Variants in SYN3 observed in about 807,000 individuals in gnomAD.
SYN3 encodes synapsin-3.
Under a neutral mutation model 65.8 loss-of-function variants are expected in SYN3, and 35 were observed. That is an observed-to-expected ratio of 0.53 (90% CI 0.41 to 0.70). The LOEUF is 0.70. SYN3 is among the 30% of genes least tolerant of loss of function. The pLI is 0.00. For synonymous variants in SYN3, 270 were observed against 292.9 expected (o/e 0.92, Z 0.80); for missense variants, 680 against 749.0 (o/e 0.91, Z 1.08).
At chr22:33,046,849 A>G (rs2054074282) in intron 1 of SYN3, among the ~76,000 whole-genome samples, 1 of 150,442 alleles carries the variant, frequency 6.6e-6, no homozygotes, top group Admixed American at 6.6e-5. Flanking sequence ...TTTAAAAAAA[A>G]AAAAAAAAAA....
At chr22:32,850,831 G>A (rs2048197797) in intron 6 of SYN3, among the ~76,000 whole-genome samples, 1 of 152,192 alleles carries the variant, frequency 6.6e-6, no homozygotes, top group African/African-American at 2.4e-5. Flanking sequence ...GAGGAGACAA[G>A]CCGCAATGTC....
chr22:32,631,845 G>C (rs1305048434), intron 6 of SYN3, among the ~76,000 whole-genome samples: 1 of 152,190 alleles, frequency 6.6e-6, no homozygotes, highest in Non-Finnish European at 1.5e-5. Flanking sequence ...TTTGAACCCA[G>C]CATGATCAGA....
rs3213515 is a variant in SYN3 at position 32,508,940 on chromosome 22, T to C, written c.*4752A>G. On this transcript the variant is annotated 3_prime_UTR_variant, in exon 14 of 14. Transcript: ENST00000358763. The stretch of plus-strand genomic sequence containing the variant: ...GCTGCTGTGTTTGTTACCATGTGAG[T>C]GAAGACCTATCATCCCCTTAAATTT... 0.36 allele frequency among the ~76,000 whole-genome samples: 55,119 copies of C among 152,028 alleles called. 10,324 individuals are homozygous for C. Among genetic ancestry groups the C allele is most frequent in the Non-Finnish European group, 0.43 (29,339 of 67,944 alleles).
intron 3 of SYN3, among the ~76,000 whole-genome samples, chr22:32,949,313 G>T (rs1022137948): frequency 6.6e-6 from 1 of 152,036 alleles, no homozygotes; most frequent in African/African-American, 2.4e-5. Context: ...GGGGGGCGGG[G>T]GTGCTCAGGC....
At chr22:32,543,585 A>G (rs1299387170) in intron 7 of SYN3, among the ~76,000 whole-genome samples, 1 of 152,130 alleles carries the variant, frequency 6.6e-6, no homozygotes. Flanking sequence ...TCTTCCTCCC[A>G]GCTGCAGTGG....
At chr22:32,971,797 G>C (rs2052029320) in intron 3 of SYN3, among the ~76,000 whole-genome samples, 1 of 152,198 alleles carries the variant, frequency 6.6e-6, no homozygotes, top group South Asian at 2.1e-4. Context: ...ATTAGCCTGG[G>C]GGGAGGTTTA....
At chr22:32,523,998 C>T (rs765646037) in intron 12 of SYN3, among the ~76,000 whole-genome samples, 24 of 152,214 alleles carry the variant, frequency 1.6e-4, no homozygotes, top group Non-Finnish European at 3.1e-4. Context: ...AAGCCTAATC[C>T]AGAGCAAGGC....
chr22:33,003,390 T>C (rs973716347), intron 2 of SYN3, among the ~76,000 whole-genome samples: 1 of 152,192 alleles, frequency 6.6e-6, no homozygotes, highest in African/African-American at 2.4e-5. Flanking sequence ...GTGGGAAAGT[T>C]TGAAACTTCC....
At chr22:32,752,799 A>G (rs889753519) in intron 6 of SYN3, among the ~76,000 whole-genome samples, 1 of 152,188 alleles carries the variant, frequency 6.6e-6, no homozygotes, top group Admixed American at 6.5e-5. Flanking sequence ...ATGGTGGGGC[A>G]AGGCTGAAGT....
intron 6 of SYN3, among the ~76,000 whole-genome samples, chr22:32,774,977 A>G (rs544130124): frequency 1.3e-5 from 2 of 152,314 alleles, no homozygotes; most frequent in Admixed American, 6.5e-5. Context: ...ACAAATGCCA[A>G]TCCTGAAGAA....
At chr22:32,979,183 A>C (rs985705165) in intron 3 of SYN3, among the ~76,000 whole-genome samples, 1 of 141,356 alleles carries the variant, frequency 7.1e-6, no homozygotes, top group Non-Finnish European at 1.6e-5. Flanking sequence ...GTGAGACTCC[A>C]TCTCAAAAAA....
chr22:33,000,190 A>C (rs2053016870), intron 2 of SYN3, among the ~76,000 whole-genome samples: 1 of 151,914 alleles, frequency 6.6e-6, no homozygotes, highest in Admixed American at 6.6e-5. Context: ...ACACAGTGAA[A>C]CCCCACCTCA....
At chr22:33,017,029 T>C (rs183664346) in intron 1 of SYN3, among the ~76,000 whole-genome samples, 19 of 152,370 alleles carry the variant, frequency 1.2e-4, no homozygotes, top group African/African-American at 3.8e-4. Flanking sequence ...TTTAGTAGTT[T>C]TATAGTTTCA....
intron 6 of SYN3, among the ~76,000 whole-genome samples, chr22:32,864,239 C>A (rs960385715): frequency 6.6e-6 from 1 of 152,316 alleles, no homozygotes; most frequent in African/African-American, 2.4e-5. Context: ...GACCAGTTTA[C>A]GAAGACCATC....
At chr22:32,936,640 G>A (rs1251070493) in intron 3 of SYN3, among the ~76,000 whole-genome samples, 3 of 152,180 alleles carry the variant, frequency 2.0e-5, no homozygotes, top group African/African-American at 7.2e-5. Flanking sequence ...AATCCACAGA[G>A]CTGGGAAGAA....
chr22:33,012,425 A>G (rs941316287), intron 1 of SYN3, among the ~76,000 whole-genome samples: 2 of 152,238 alleles, frequency 1.3e-5, no homozygotes, highest in African/African-American at 4.8e-5. Context: ...GGTTCAATAC[A>G]GTCTACCTTG....
In SYN3 at chr22:32,699,809, G is replaced by C. The variant is rs139483166; in HGVS notation, c.712-103073C>G. ...GGAAACAGGGTGTCTGTCTTAATGG[G>C]AATATCAGAGTCTACCTCTCATCTC... On this transcript the variant is annotated intron_variant, in intron 6 of 13. Transcript: ENST00000358763. 5.9e-5 allele frequency among the ~76,000 whole-genome samples: 9 copies of C among 152,202 alleles called. No homozygotes were observed. In the East Asian group the frequency reaches 1.7e-3, roughly 29 times the overall value.
At chr22:32,555,301 T>C (rs1311815602) in intron 7 of SYN3, among the ~76,000 whole-genome samples, 2 of 152,204 alleles carry the variant, frequency 1.3e-5, no homozygotes, top group Non-Finnish European at 2.9e-5. Flanking sequence ...CCATCTCCCC[T>C]GAGAGAGGAA....
intron 6 of SYN3, among the ~76,000 whole-genome samples, chr22:32,790,022 T>C (rs1397252187): frequency 2.0e-5 from 3 of 152,256 alleles, no homozygotes; most frequent in African/African-American, 4.8e-5. Flanking sequence ...GTAGGCGCTA[T>C]TGTTGTCCCT....
Sources: allele counts gnomAD v4.1 joint callset (sites outside exome capture counted in the v4.1 genomes callset), GRCh38; gene constraint gnomAD v4.1.1; transcripts MANE v1.5; gene names NCBI Gene and HGNC (gene_info 2026-07-23, HGNC 2026-07-21).